SLC4A10: variants seen among roughly 807,000 people sequenced by gnomAD.
The protein encoded by SLC4A10 is sodium-driven chloride bicarbonate exchanger.
A neutral mutation model predicts 137.7 loss-of-function variants in SLC4A10; 42 were observed. The ratio of observed to expected loss-of-function variants is 0.30; its 90% CI spans 0.24 to 0.39. SLC4A10 has a LOEUF of 0.39. SLC4A10 is among the 10% of genes least tolerant of loss of function. The pLI is 1.00. For synonymous variants in SLC4A10, 474 were observed against 464.1 expected (o/e 1.02, Z -0.27); for missense variants, 925 against 1,355.0 (o/e 0.68, Z 4.98).
chr2:161,964,367 CAT>C lies in SLC4A10; in HGVS notation c.3036+61_3036+62del. On this transcript the variant is annotated intron_variant, in intron 22 of 26. Coordinates refer to ENST00000446997, the MANE Select transcript of SLC4A10 (RefSeq NM_001178015.2). ...TCTGATTTGCTGGTCTCTTTGGAAACATAAACACATGAATTGAAACTGGAACA... is the reference window on the plus strand; with the variant it reads ...TCTGATTTGCTGGTCTCTTTGGAAACAAACACATGAATTGAAACTGGAACA... 4 of 1,519,528 alleles carry C rather than the reference CAT, an allele frequency of 2.6e-6. No homozygotes were observed. The South Asian group carries it at 4.6e-5, about 18-fold the overall frequency. The allele number at this position is 1,519,528 out of a possible 1,614,324, so 94.1% of individuals were successfully genotyped here. A position where few individuals can be genotyped will look rare whatever the true frequency, so the allele number is the denominator to read the frequency against.
chr2:161,983,109 T>A, intron 26 of SLC4A10, 70 bp from the exon 27 acceptor site: 1 of 1,422,690 alleles, frequency 7.0e-7, no homozygotes, highest in Non-Finnish European at 9.5e-7. Context: ...GTTTTATGTC[T>A]GAGCAAGCAG....
chr2:161,861,397 T>C (rs903699372), intron 5 of SLC4A10, among the ~76,000 whole-genome samples: 1 of 152,106 alleles, frequency 6.6e-6, no homozygotes, highest in Non-Finnish European at 1.5e-5. Flanking sequence ...CTTATGACCA[T>C]AAGGAAAATC....
chr2:161,977,526 A>G (rs1699573359), intron 25 of SLC4A10, among the ~76,000 whole-genome samples, 196 bp from the exon 26 acceptor site: 1 of 152,216 alleles, frequency 6.6e-6, no homozygotes. Context: ...TTTATAAATA[A>G]GAGTTCAAGT....
At chr2:161,873,397 G>A (rs186274079) in intron 7 of SLC4A10, among the ~76,000 whole-genome samples, 21 of 152,034 alleles carry the variant, frequency 1.4e-4, no homozygotes, top group Non-Finnish European at 1.9e-4. Flanking sequence ...CGGGTGTGGT[G>A]GCGCGTGCCT....
chr2:161,696,526 A>G (rs1475478203), intron 1 of SLC4A10, among the ~76,000 whole-genome samples: 2 of 133,834 alleles, frequency 1.5e-5, no homozygotes, highest in African/African-American at 2.9e-5. Context: ...TCATTGTTCA[A>G]TTCCCACCTA....
chr2:161,678,847 G>A (rs2040544206), intron 1 of SLC4A10, among the ~76,000 whole-genome samples: 1 of 151,976 alleles, frequency 6.6e-6, no homozygotes, highest in African/African-American at 2.4e-5. Context: ...CACAATTTAT[G>A]TATTTCTCTA....
intron 15 of SLC4A10, among the ~76,000 whole-genome samples, chr2:161,909,732 T>C (rs1685372601): frequency 6.6e-6 from 1 of 152,254 alleles, no homozygotes; most frequent in Non-Finnish European, 1.5e-5. Context: ...ACGCATATAT[T>C]TACTAGTGTA....
intron 1 of SLC4A10, among the ~76,000 whole-genome samples, chr2:161,738,999 A>C: frequency 6.6e-6 from 1 of 152,210 alleles, no homozygotes; most frequent in East Asian, 1.9e-4. Flanking sequence ...TCAGGCCCTC[A>C]GGAATTCTAG....
intron 1 of SLC4A10, among the ~76,000 whole-genome samples, chr2:161,635,601 C>G (rs752138372): frequency 2.6e-5 from 4 of 152,078 alleles, no homozygotes; most frequent in Non-Finnish European, 5.9e-5. Context: ...TGCAATTCAT[C>G]AAAGAAATGC....
At chr2:161,970,168 T>C (rs1242681272) in intron 23 of SLC4A10, among the ~76,000 whole-genome samples, 2 of 152,220 alleles carry the variant, frequency 1.3e-5, no homozygotes, top group Admixed American at 6.5e-5. Context: ...AATACAAGGA[T>C]ACTCTATCAG....
intron 15 of SLC4A10, among the ~76,000 whole-genome samples, chr2:161,912,646 C>G (rs1686128500): frequency 6.6e-6 from 1 of 152,102 alleles, no homozygotes; most frequent in Admixed American, 6.6e-5. Flanking sequence ...AGACTACACT[C>G]CAGAAAAGGC....
intron 2 of SLC4A10, among the ~76,000 whole-genome samples, chr2:161,791,012 T>C (rs1041672703): frequency 6.6e-6 from 1 of 152,166 alleles, no homozygotes; most frequent in Non-Finnish European, 1.5e-5. Context: ...CTTTACACTA[T>C]TGGTGGAAAC....
chr2:161,925,466 C>T (rs1009537905), intron 15 of SLC4A10, among the ~76,000 whole-genome samples: 10 of 152,110 alleles, frequency 6.6e-5, no homozygotes, highest in African/African-American at 9.6e-5. Flanking sequence ...GTCTTCCTAG[C>T]GGTCTATCAA....
intron 1 of SLC4A10, among the ~76,000 whole-genome samples, chr2:161,683,909 A>G (rs1023021775): frequency 6.6e-6 from 1 of 152,136 alleles, no homozygotes; most frequent in Non-Finnish European, 1.5e-5. Context: ...ACCATTATAA[A>G]CATTTTTGAA....
chr2:161,909,419 C>G (rs1383973553), intron 15 of SLC4A10, among the ~76,000 whole-genome samples: 1 of 152,154 alleles, frequency 6.6e-6, no homozygotes. Flanking sequence ...TGTTCCATTG[C>G]CCAAGTGCCC....
chr2:161,794,766 C>G (rs1254066991), intron 2 of SLC4A10, among the ~76,000 whole-genome samples: 3 of 152,098 alleles, frequency 2.0e-5, no homozygotes, highest in African/African-American at 7.2e-5. Context: ...TAATTTGTAG[C>G]ATTTTCCAAT....
At chr2:161,879,708 G>C (rs1267592884) in intron 9 of SLC4A10, among the ~76,000 whole-genome samples, 3 of 151,994 alleles carry the variant, frequency 2.0e-5, no homozygotes, top group South Asian at 2.1e-4. Flanking sequence ...GCTTACACTT[G>C]AATAAGAAGG....
chr2:161,772,141 G>T (rs1403957552), intron 2 of SLC4A10, among the ~76,000 whole-genome samples: 3 of 151,742 alleles, frequency 2.0e-5, no homozygotes, highest in Non-Finnish European at 2.9e-5. Flanking sequence ...TATGCTTACT[G>T]GGGGGGCCTA....
At chr2:161,660,299 C>A (rs2038115794) in intron 1 of SLC4A10, among the ~76,000 whole-genome samples, 1 of 152,192 alleles carries the variant, frequency 6.6e-6, no homozygotes. Flanking sequence ...CTGCTGAAAC[C>A]AAATTATTTA....
Sources: allele counts gnomAD v4.1 joint callset (sites outside exome capture counted in the v4.1 genomes callset), GRCh38; gene constraint gnomAD v4.1.1; transcripts MANE v1.5; gene names NCBI Gene and HGNC (gene_info 2026-07-23, HGNC 2026-07-21).